Variants in USP37 observed in about 807,000 individuals in gnomAD.
USP37 encodes the protein ubiquitin carboxyl-terminal hydrolase 37.
Under a neutral mutation model 124.0 loss-of-function variants are expected in USP37, and 27 were observed. The observed-to-expected ratio is 0.22, with a 90% CI of 0.16 to 0.30. The LOEUF (loss-of-function observed/expected upper bound fraction) is 0.30. Ranked by LOEUF, USP37 falls within the 10% of genes least tolerant of loss-of-function variation. The probability of loss-of-function intolerance (pLI) is 1.00; values close to 1 mark genes in which losing one functional copy is unlikely to be tolerated. For synonymous variants in USP37, 365 were observed against 388.0 expected, an observed-to-expected ratio of 0.94 and a Z score of 0.70; for missense variants, 889 against 1,140.4, an observed-to-expected ratio of 0.78 and a Z score of 3.17.
intron 14 of USP37, 108 bp from the exon 15 acceptor site, chr2:218,488,529 T>C (rs1691721794): frequency 3.0e-6 from 2 of 658,972 alleles, no homozygotes; most frequent in Admixed American, 2.7e-5. Flanking sequence ...TGACACACTA[T>C]CACCAGGCAT....
chr2:218,454,779 G>A lies in USP37; in HGVS notation c.*151C>T, dbSNP rs566698382. 14 of 1,433,352 alleles carry A rather than the reference G, an allele frequency of 9.8e-6. No homozygotes were observed. The highest frequency in any genetic ancestry group is 4.4e-5 in the South Asian group (3 of 67,456). 88.8% of individuals were successfully genotyped at this position (1,433,352 alleles called of 1,614,324 possible). On this transcript the variant is annotated 3_prime_UTR_variant, in exon 26 of 26. Transcript: ENST00000258399. Reference sequence around the variant, plus strand: ...CATAAAATAGCATGGAGCATTCTACGTTACTCCAATTTTTGTCTTTTGGTT... The same window carrying A: ...CATAAAATAGCATGGAGCATTCTACATTACTCCAATTTTTGTCTTTTGGTT...
chr2:218,463,318 A>G lies in USP37; in HGVS notation c.2515T>C (p.Leu839=), dbSNP rs377249018. The change falls in exon 22 of 26, where the codon TTA becomes CTA. Residue 839 remains leucine (L), a synonymous_variant. Transcript: ENST00000258399. ...AAGATCTCCACACCTTGAAGACTTA[A>G]CTCGGTAGCTCTTTTGAGGTCATCA... ...EDDDLKRATE[L]SLQEFNNSFV... The G allele has an allele frequency of 1.9e-6, 3 of 1,613,890 alleles. No individual in the cohort carries two copies. The highest frequency in any genetic ancestry group is 2.5e-6 in the Non-Finnish European group (3 of 1,179,956).
At chr2:218,477,209 T>C (rs1691028451) in intron 18 of USP37, among the ~76,000 whole-genome samples, 2 of 152,206 alleles carry the variant, frequency 1.3e-5, no homozygotes, top group African/African-American at 2.4e-5. Context: ...AGTAAACTAA[T>C]CATGTTGTGC....
chr2:218,563,886 T>G (rs1410173814), intron 1 of USP37, among the ~76,000 whole-genome samples: 2 of 152,052 alleles, frequency 1.3e-5, no homozygotes, highest in African/African-American at 4.8e-5. Flanking sequence ...TCGAACACAT[T>G]GAGACCACAA....
At chr2:218,545,940 A>G (rs1289260793) in intron 8 of USP37, among the ~76,000 whole-genome samples, 1 of 152,194 alleles carries the variant, frequency 6.6e-6, no homozygotes, top group East Asian at 1.9e-4. Context: ...AGCAAGAAAC[A>G]TTTGTTTAGA....
chr2:218,486,465 C>T (rs1691563006), intron 15 of USP37: 1 of 152,206 alleles, frequency 6.6e-6, no homozygotes, highest in Non-Finnish European at 1.5e-5. Flanking sequence ...ACCCAGGCAA[C>T]TGGGTGGGAG....
At chr2:218,475,356 G>A (rs1032189224) in intron 19 of USP37, among the ~76,000 whole-genome samples, 5 of 152,318 alleles carry the variant, frequency 3.3e-5, no homozygotes, top group Admixed American at 1.3e-4. Context: ...GGTGGCTCAC[G>A]CCTGTAATCC....
At chr2:218,482,766 A>G (rs1691331838) in intron 16 of USP37, among the ~76,000 whole-genome samples, 1 of 152,204 alleles carries the variant, frequency 6.6e-6, no homozygotes, top group Non-Finnish European at 1.5e-5. Flanking sequence ...CCATTTAGAA[A>G]AAAGCTTTAC....
chr2:218,562,967 C>T (rs1238870032), intron 1 of USP37, among the ~76,000 whole-genome samples, 154 bp from the exon 2 acceptor site: 1 of 151,962 alleles, frequency 6.6e-6, no homozygotes, highest in Non-Finnish European at 1.5e-5. Flanking sequence ...AGTTCGAGAC[C>T]AGCCTGACCA....
intron 6 of USP37, 97 bp from the exon 7 acceptor site, chr2:218,547,188 G>A: frequency 7.5e-7 from 1 of 1,330,208 alleles, no homozygotes; most frequent in Admixed American, 2.7e-5. Context: ...AAATACAAAT[G>A]GAGCCAGGTG....
chr2:218,504,838 T>C (rs947544529), intron 11 of USP37, among the ~76,000 whole-genome samples: 7 of 151,998 alleles, frequency 4.6e-5, no homozygotes, highest in Non-Finnish European at 1.0e-4. Context: ...CCCTCCAACT[T>C]GGCCTCCTGA....
chr2:218,462,429 T>C (rs1018227318), intron 22 of USP37, among the ~76,000 whole-genome samples: 1 of 152,146 alleles, frequency 6.6e-6, no homozygotes, highest in Non-Finnish European at 1.5e-5. Flanking sequence ...TAAAAGCTGT[T>C]TGAGAAACAG....
intron 20 of USP37, among the ~76,000 whole-genome samples, chr2:218,471,369 G>T (rs1285485144): frequency 6.6e-6 from 1 of 152,136 alleles, no homozygotes; most frequent in African/African-American, 2.4e-5. Flanking sequence ...AAAGACTTTT[G>T]GAATTAATAT....
intron 20 of USP37, among the ~76,000 whole-genome samples, chr2:218,467,188 C>T (rs1690379053): frequency 6.6e-6 from 1 of 151,192 alleles, no homozygotes; most frequent in African/African-American, 2.4e-5. Flanking sequence ...TCCTCCCTTC[C>T]CCCTCCCCCT....
intron 4 of USP37, among the ~76,000 whole-genome samples, chr2:218,556,919 C>T (rs1310232845): frequency 6.6e-6 from 1 of 151,990 alleles, no homozygotes; most frequent in Non-Finnish European, 1.5e-5. Flanking sequence ...CAGGATCCTG[C>T]TTTGTCACGC....
At chr2:218,485,284 A>G (rs765172732) in intron 16 of USP37, among the ~76,000 whole-genome samples, 2 of 152,078 alleles carry the variant, frequency 1.3e-5, no homozygotes, top group South Asian at 4.1e-4. Flanking sequence ...TTTCTCTTCA[A>G]TATTTCAAAC....
chr2:218,543,064 T>C (rs1356865851), intron 8 of USP37, among the ~76,000 whole-genome samples: 1 of 152,336 alleles, frequency 6.6e-6, no homozygotes, highest in Admixed American at 6.5e-5. Flanking sequence ...GCAGATCTCA[T>C]ACTCACTGAA....
chr2:218,506,112 C>T (rs1031075260), intron 11 of USP37, among the ~76,000 whole-genome samples: 1 of 152,016 alleles, frequency 6.6e-6, no homozygotes, highest in African/African-American at 2.4e-5. Flanking sequence ...GATCTACCCA[C>T]CTCTGCCTCC....
chr2:218,484,988 C>T (rs1287179492), intron 16 of USP37, among the ~76,000 whole-genome samples: 1 of 152,044 alleles, frequency 6.6e-6, no homozygotes, highest in South Asian at 2.1e-4. Flanking sequence ...CTTATGATTA[C>T]AGGAAATTTA....
Sources: allele counts gnomAD v4.1 joint callset (sites outside exome capture counted in the v4.1 genomes callset), GRCh38; gene constraint gnomAD v4.1.1; transcripts MANE v1.5; gene names NCBI Gene and HGNC (gene_info 2026-07-23, HGNC 2026-07-21).